EZR: variants seen among roughly 807,000 people sequenced by gnomAD.
The protein encoded by EZR is cytovillin 2.
A neutral mutation model predicts 74.8 loss-of-function variants in EZR; 40 were observed. The observed-to-expected ratio is 0.53, with a 90% CI of 0.42 to 0.70. EZR has a LOEUF of 0.70. Ranked by LOEUF, EZR falls within the 30% of genes least tolerant of loss-of-function variation. The pLI is 0.00. For missense variants in EZR, 678 were observed against 755.8 expected, an observed-to-expected ratio of 0.90 and a Z score of 1.21; for synonymous variants, 341 against 283.3, an observed-to-expected ratio of 1.20 and a Z score of -2.05.
chr6:158,773,944 C>T (rs1480677714), intron 8 of EZR, among the ~76,000 whole-genome samples: 1 of 152,168 alleles, frequency 6.6e-6, no homozygotes, highest in Non-Finnish European at 1.5e-5. Context: ...TCTAAAGAGC[C>T]AAAGTGTGGC....
At chr6:158,805,213 C>T (rs1777308118) in intron 2 of EZR, among the ~76,000 whole-genome samples, 1 of 151,708 alleles carries the variant, frequency 6.6e-6, no homozygotes, top group Non-Finnish European at 1.5e-5. Flanking sequence ...GTGGCGTGTG[C>T]CTGCAATCCC....
At chr6:158,784,504 C>T (rs1791514772) in intron 6 of EZR, 140 bp downstream of exon 6, 2 of 681,180 alleles carry the variant, frequency 2.9e-6, no homozygotes, top group Non-Finnish European at 4.9e-6. Flanking sequence ...CCTAAGAAAA[C>T]CCCACTTTTA....
In EZR at chr6:158,766,757, C is replaced by A. The variant is rs1299051635; in HGVS notation, c.*157G>T. 2.6e-6 allele frequency: 2 copies of A among 777,490 alleles called. No individual in the cohort carries two copies. Among genetic ancestry groups the A allele is most frequent in the Non-Finnish European group, 4.2e-6 (2 of 474,744 alleles). 48.2% of individuals were successfully genotyped at this position (777,490 alleles called of 1,614,324 possible). ...GGGGAAAACAAACCAGGGCGCCTCC[C>A]TGGTTCCCAGCCCAGAATGTTTCTG... On this transcript the variant is annotated 3_prime_UTR_variant, in exon 14 of 14. Transcript: ENST00000367075.
At chr6:158,814,032 C>G (rs932862384) in intron 2 of EZR, among the ~76,000 whole-genome samples, 1 of 152,146 alleles carries the variant, frequency 6.6e-6, no homozygotes, top group Non-Finnish European at 1.5e-5. Flanking sequence ...AGAGAGGATG[C>G]TTCCGGGACC....
rs75995557 is a variant in EZR at position 158,810,178 on chromosome 6, C to T, written c.12+7904G>A. Among the ~76,000 whole-genome samples the T allele has an allele frequency of 7.8e-3, 1,194 of 152,176 alleles. 14 individuals are homozygous for T. Among genetic ancestry groups the T allele is most frequent in the African/African-American group, 0.027 (1,137 of 41,514 alleles). ...TCATGGTGAGATATTTTTTATTTTG[C>T]TTTTAAGGTTTTGTTTTCAAGTATA... On this transcript the variant is annotated intron_variant, in intron 2 of 13. Coordinates refer to ENST00000367075, the MANE Select transcript of EZR (RefSeq NM_001111077.2).
At position 158,766,231 on chromosome 6, in the gene EZR, T is replaced by C. The variant is rs1342988460; in HGVS notation, c.*683A>G. ...TGTTACAAATCTGTATTATCACTTG[T>C]ATATAAATAGTATATAGCTGATCAT... On this transcript the variant is annotated 3_prime_UTR_variant, in exon 14 of 14. Coordinates refer to ENST00000367075, the MANE Select transcript of EZR (RefSeq NM_001111077.2). 1 of 151,978 alleles carries C rather than the reference T, an allele frequency of 6.6e-6. No homozygotes were observed. Among genetic ancestry groups the C allele is most frequent in the African/African-American group, 2.4e-5 (1 of 41,184 alleles). The allele number at this position is 151,978 out of a possible 1,614,324, so 9.4% of individuals were successfully genotyped here. A position where few individuals can be genotyped will look rare whatever the true frequency, so the allele number is the denominator to read the frequency against.
chr6:158,802,554 G>A (rs190787547), intron 2 of EZR, among the ~76,000 whole-genome samples: 46 of 152,052 alleles, frequency 3.0e-4, no homozygotes, highest in African/African-American at 9.6e-4. Flanking sequence ...TTTTTGAGGC[G>A]GAGTTTCACT....
chr6:158,771,025 G>A (rs1791090319), intron 9 of EZR, 131 bp from the exon 10 acceptor site: 23 of 1,409,840 alleles, frequency 1.6e-5, no homozygotes, highest in Admixed American at 3.9e-5. Context: ...CCTGCTGCCA[G>A]CCTGAGCTGC....
At chr6:158,813,849 G>A (rs1033725349) in intron 2 of EZR, among the ~76,000 whole-genome samples, 4 of 152,150 alleles carry the variant, frequency 2.6e-5, no homozygotes, top group African/African-American at 4.8e-5. Flanking sequence ...CAGCTCTATG[G>A]TTCTCATGAC....
intron 2 of EZR, among the ~76,000 whole-genome samples, chr6:158,817,533 A>G (rs1777584758): frequency 6.6e-6 from 1 of 152,252 alleles, no homozygotes; most frequent in Non-Finnish European, 1.5e-5. Context: ...ATTCTGCTGC[A>G]GCCAGCAAGT....
Position 158,769,957 on chromosome 6 carries a change from A to G in EZR, c.1091-13T>C, listed in dbSNP as rs1335951700. The G allele has an allele frequency of 1.9e-6, 3 of 1,607,700 alleles. 1 individual carries two copies. The highest frequency in any genetic ancestry group is 2.2e-5 in the South Asian group (2 of 91,066). On this transcript the variant is annotated splice_polypyrimidine_tract_variant and intron_variant, in intron 10 of 13. Coordinates refer to ENST00000367075, the MANE Select transcript of EZR (RefSeq NM_001111077.2). ...TGCTCCGAGAGCTCTGCAAAGACAC[A>G]AAGCCAGAGCCATTCAAACCCTCAG...
chr6:158,769,423 GA>G lies in EZR; in HGVS notation c.1252-6del. 1 of 1,604,270 alleles carries G rather than the reference GA, an allele frequency of 6.2e-7. No homozygotes were observed. Among genetic ancestry groups the G allele is most frequent in the Middle Eastern group, 1.7e-4 (1 of 6,060 alleles). ...GTATTCTGCAAGCTCCGCAGCCTGG[GA>G]AGGGAATGCCAAGCTCACGTCAGTT... On this transcript the variant is annotated splice_region_variant and splice_polypyrimidine_tract_variant and intron_variant, in intron 11 of 13. Transcript: ENST00000367075.
chr6:158,767,440 G>A lies in EZR; in HGVS notation c.1417C>T (p.Pro473Ser), dbSNP rs899228006. The change falls in exon 13 of 14, where the codon CCA becomes TCA. Residue 473 changes from proline to serine, a missense_variant. By Grantham distance (74) the Pro-to-Ser change is moderately conservative. Around this residue, in one of 3 missense-constraint regions of EZR, gnomAD observed 342 missense variants for 341.2 expected, o/e 1.00. Coordinates refer to ENST00000367075, the MANE Select transcript of EZR (RefSeq NM_001111077.2). ...LHLVMTAPPP[P>S]PPPVYEPVSY... ...ACCGGCTCGTACACGGGGGGTGGTG[G>A]GGGCGGGGGTGCTGTCATCACCAGG... The A allele has an allele frequency of 6.2e-7, 1 of 1,613,472 alleles. No homozygotes were observed. Among genetic ancestry groups the A allele is most frequent in the Non-Finnish European group, 8.5e-7 (1 of 1,179,610 alleles).
intron 6 of EZR, 62 bp from the exon 7 acceptor site, chr6:158,783,728 A>C: frequency 1.3e-6 from 2 of 1,532,008 alleles, no homozygotes; most frequent in Non-Finnish European, 1.8e-6. Context: ...GAACAGTAAA[A>C]CCTTTCCAGT....
intron 2 of EZR, among the ~76,000 whole-genome samples, chr6:158,817,687 A>G (rs1777588192): frequency 6.6e-6 from 1 of 152,094 alleles, no homozygotes; most frequent in Non-Finnish European, 1.5e-5. Context: ...GACCCTTAGG[A>G]GCTCTGAGAA....
chr6:158,808,214 C>G (rs1024913768), intron 2 of EZR, among the ~76,000 whole-genome samples: 7 of 152,166 alleles, frequency 4.6e-5, no homozygotes, highest in African/African-American at 1.7e-4. Flanking sequence ...AACATCTGAA[C>G]CCCCAGCCCA....
At chr6:158,817,641 A>ATCTC (rs1006100586) in intron 2 of EZR, among the ~76,000 whole-genome samples, 14 of 152,200 alleles carry the variant, frequency 9.2e-5, no homozygotes, top group Admixed American at 9.2e-4. Context: ...GCCCTTTAAT[A>ATCTC]TCTCCCCAGT....
At chr6:158,817,752 G>C (rs1208923175) in intron 2 of EZR, among the ~76,000 whole-genome samples, 2 of 152,148 alleles carry the variant, frequency 1.3e-5, no homozygotes, top group African/African-American at 4.8e-5. Context: ...GACTTTTTAA[G>C]AAACTTCTAA....
At chr6:158,810,870 T>C (rs1562507941) in intron 2 of EZR, among the ~76,000 whole-genome samples, 2 of 152,364 alleles carry the variant, frequency 1.3e-5, no homozygotes, top group South Asian at 4.1e-4. Flanking sequence ...GTTTATCTTA[T>C]GTAACATTCT....
Sources: gnomAD v4.1 joint callset for allele counts (sites outside exome capture counted in the v4.1 genomes callset) on GRCh38, gnomAD v4.1.1 for gene constraint, gnomAD v4.1.1 regional missense constraint, MANE v1.5 for transcripts, NCBI Gene and HGNC (gene_info 2026-07-23, HGNC 2026-07-21) for gene names.